The following CFAP47 variants were observed in gnomAD, a reference collection of about 807,000 sequenced individuals.
CFAP47 encodes the protein cilia and flagella associated protein 47.
A neutral mutation model predicts 148.1 loss-of-function variants in CFAP47; 29 were observed. The ratio of observed to expected loss-of-function variants is 0.20; its 90% CI spans 0.15 to 0.27. The LOEUF is 0.27. Ranked by LOEUF, CFAP47 falls within the 10% of genes least tolerant of loss-of-function variation. The pLI, the probability that CFAP47 is intolerant of heterozygous loss-of-function variation, is 1.00. For synonymous variants in CFAP47, 664 were observed against 577.3 expected (o/e 1.15, Z -2.15); for missense variants, 1,872 against 1,697.5 (o/e 1.10, Z -1.81).
intron 15 of CFAP47, among the ~76,000 whole-genome samples, chrX:35,981,380 G>A (rs1281948001): frequency 1.9e-5 from 2 of 105,688 alleles, no homozygotes; most frequent in Non-Finnish European, 3.9e-5. Flanking sequence ...TAAAACAACA[G>A]CAAAAACTGA....
chrX:36,248,307 CAT>C (rs1434597686), intron 48 of CFAP47, among the ~76,000 whole-genome samples: 1 of 103,677 alleles, frequency 9.6e-6, no homozygotes, highest in Non-Finnish European at 2.0e-5. Flanking sequence ...GTAGTATTAA[CAT>C]AAAATATTTT....
In CFAP47 at chrX:35,967,052, G is replaced by GT. The variant is rs756694020; in HGVS notation, c.1600+299dup. ...CCAGCAATGATTATTAAGCTTGTCT[G>GT]TGTTACGGCCCAAAGACACATTTTT... On this transcript the variant is annotated intron_variant, in intron 9 of 63. Coordinates refer to ENST00000378653, the MANE Select transcript of CFAP47 (RefSeq NM_001304548.2). 3.6e-5 allele frequency among the ~76,000 whole-genome samples: 4 copies of GT among 110,933 alleles called. No homozygotes were observed. The East Asian group carries it at 1.1e-3, about 32-fold the overall frequency.
At chrX:36,017,730 T>G (rs1287616894) in intron 22 of CFAP47, among the ~76,000 whole-genome samples, 2 of 111,411 alleles carry the variant, frequency 1.8e-5, no homozygotes, top group East Asian at 5.6e-4. Context: ...TCTATTTCAT[T>G]GCGTTTGTCT....
At chrX:35,943,461 A>G (rs1347093173) in intron 3 of CFAP47, among the ~76,000 whole-genome samples, 1 of 111,083 alleles carries the variant, frequency 9.0e-6, no homozygotes, top group African/African-American at 3.3e-5. Flanking sequence ...CTCCTTGATG[A>G]TTTATTTTAA....
At chrX:36,353,476 A>T (rs1304379499) in intron 59 of CFAP47, 53 bp from the exon 60 acceptor site, 6 of 1,039,922 alleles carry the variant, frequency 5.8e-6, no homozygotes, top group Non-Finnish European at 7.8e-6. Context: ...CTATCTCAAG[A>T]ATGATCATAT....
chrX:35,985,448 T>C (rs1471870423), intron 15 of CFAP47, among the ~76,000 whole-genome samples: 1 of 110,389 alleles, frequency 9.1e-6, no homozygotes, highest in Non-Finnish European at 1.9e-5. Flanking sequence ...GTGGAACAAG[T>C]TGTGGGTGAG....
At chrX:36,356,073 A>T (rs1405707828) in intron 60 of CFAP47, among the ~76,000 whole-genome samples, 2 of 111,912 alleles carry the variant, frequency 1.8e-5, no homozygotes, top group African/African-American at 6.5e-5. Context: ...AGCTACCAAC[A>T]TCATTTTGGG....
chrX:36,172,941 T>G (rs1341729499), intron 39 of CFAP47, among the ~76,000 whole-genome samples: 18 of 110,942 alleles, frequency 1.6e-4, no homozygotes, highest in Non-Finnish European at 1.7e-4. Context: ...GACTCTTTTT[T>G]GTTGGTAAGC....
chrX:36,267,050 G>A, intron 49 of CFAP47, among the ~76,000 whole-genome samples: 1 of 111,945 alleles, frequency 8.9e-6, no homozygotes, highest in Non-Finnish European at 1.9e-5. Context: ...TGTCTAGTTA[G>A]CCATCTTGTC....
intron 16 of CFAP47, among the ~76,000 whole-genome samples, chrX:35,990,551 C>G (rs1199639613): frequency 2.7e-5 from 3 of 111,402 alleles, no homozygotes; most frequent in Non-Finnish European, 5.7e-5. Context: ...GTATGTTAAG[C>G]CCCATGAGTA....
rs1491164239 is a variant in CFAP47, at chrX:36,371,621, A to ATATATGTGT, written c.9185+4494_9185+4495insTATATGTGT. On this transcript the variant is annotated intron_variant, in intron 62 of 63. Coordinates refer to ENST00000378653, the MANE Select transcript of CFAP47 (RefSeq NM_001304548.2). ...TGTGTATATATGTGTATATATGTGT[A>ATATATGTGT]ATATATGTGTATATACACACATATG... Among the ~76,000 whole-genome samples the ATATATGTGT allele has an allele frequency of 1.5e-3, 118 of 79,651 alleles. 1 individual carries two copies. The highest frequency in any genetic ancestry group is 5.1e-3 in the African/African-American group (114 of 22,509). The allele number at this position is 79,651 out of a possible 115,157, so 69.2% of individuals were successfully genotyped here.
chrX:36,286,443 T>C (rs1179881791), intron 51 of CFAP47, among the ~76,000 whole-genome samples: 1 of 110,248 alleles, frequency 9.1e-6, no homozygotes, highest in Non-Finnish European at 1.9e-5. Flanking sequence ...AAAAAAAAGA[T>C]TTAAAATACT....
intron 49 of CFAP47, among the ~76,000 whole-genome samples, chrX:36,258,358 A>T (rs1940778447): frequency 8.9e-6 from 1 of 112,153 alleles, no homozygotes; most frequent in African/African-American, 3.2e-5. Context: ...TTATAAAACA[A>T]TTTTTAGATA....
At chrX:35,920,932 G>A (rs921275509) in intron 1 of CFAP47, among the ~76,000 whole-genome samples, 6 of 111,877 alleles carry the variant, frequency 5.4e-5, no homozygotes, top group African/African-American at 1.9e-4. Flanking sequence ...AAAAACCTAT[G>A]TTAATGATTA....
At chrX:36,248,227 GTATTA>G (rs1442723870) in intron 48 of CFAP47, among the ~76,000 whole-genome samples, 198 of 104,705 alleles carry the variant, frequency 1.9e-3, no homozygotes, top group Middle Eastern at 5.4e-3. Flanking sequence ...TATGTATTAT[GTATTA>G]TATTATACAC....
intron 49 of CFAP47, among the ~76,000 whole-genome samples, chrX:36,261,947 C>T (rs980320452): frequency 2.8e-4 from 31 of 109,465 alleles, no homozygotes; most frequent in African/African-American, 6.9e-4. Flanking sequence ...GCTGGCCGGG[C>T]GGGGGCTGAC....
Position 35,924,116 on chromosome X carries a change from T to C in CFAP47, c.250-1901T>C, listed in dbSNP as rs181762062. 1.4e-3 allele frequency among the ~76,000 whole-genome samples: 143 copies of C among 101,376 alleles called. 4 individuals carry two copies. The South Asian group carries it at 0.023, about 16-fold the overall frequency. The allele number at this position is 101,376 out of a possible 115,157, so 88.0% of individuals were successfully genotyped here. ...GTACATATATGTATATATGTACATG[T>C]ATGCGTACATATATGTATATGTGTA... is the stretch of plus-strand genomic sequence containing the variant. On this transcript the variant is annotated intron_variant, in intron 1 of 63. Transcript: ENST00000378653.
chrX:36,204,679 C>T (rs782669480), intron 44 of CFAP47, among the ~76,000 whole-genome samples: 5 of 111,591 alleles, frequency 4.5e-5, no homozygotes, highest in East Asian at 2.8e-4. Context: ...TGCTGGTCAG[C>T]GGTGGAATAG....
chrX:35,991,973 T>C (rs768239828), intron 17 of CFAP47, 30 bp downstream of exon 17: 1 of 289,715 alleles, frequency 3.5e-6, no homozygotes, highest in South Asian at 2.1e-4. Flanking sequence ...ATTTCTTATT[T>C]GGATCAGATG....
Sources: gnomAD v4.1 joint callset for allele counts (sites outside exome capture counted in the v4.1 genomes callset) on GRCh38, gnomAD v4.1.1 for gene constraint, MANE v1.5 for transcripts, NCBI Gene and HGNC (gene_info 2026-07-23, HGNC 2026-07-21) for gene names.